Variants in RTN4RL1 observed in about 807,000 individuals in gnomAD.
The protein encoded by RTN4RL1 is reticulon-4 receptor-like 1.
Under a neutral mutation model 25.6 loss-of-function variants are expected in RTN4RL1, and 7 were observed. The ratio of observed to expected loss-of-function variants is 0.27; its 90% CI spans 0.16 to 0.51. RTN4RL1 has a LOEUF of 0.51. RTN4RL1 is among the 20% of genes least tolerant of loss of function. The probability of loss-of-function intolerance (pLI) is 0.97; values close to 1 mark genes in which losing one functional copy is unlikely to be tolerated. For synonymous variants in RTN4RL1, 297 were observed against 288.2 expected, an observed-to-expected ratio of 1.03 and a Z score of -0.31; for missense variants, 500 against 615.6, an observed-to-expected ratio of 0.81 and a Z score of 1.99.
intron 1 of RTN4RL1, among the ~76,000 whole-genome samples, chr17:1,963,511 C>T (rs1040958131): frequency 6.6e-6 from 1 of 152,242 alleles, no homozygotes; most frequent in African/African-American, 2.4e-5. Context: ...CTGCCCGCCA[C>T]CTTCAGGGGC....
Position 1,961,734 on chromosome 17 carries a change from C to G in RTN4RL1, c.14-23926G>C, listed in dbSNP as rs529336796. Among the ~76,000 whole-genome samples, 16 of 134,632 alleles carry G rather than the reference C, an allele frequency of 1.2e-4. No individual in the cohort carries two copies. In the East Asian group the frequency reaches 2.8e-3, roughly 24 times the overall value. The allele number at this position is 134,632 out of a possible 152,430, so 88.3% of individuals were successfully genotyped here. On this transcript the variant is annotated intron_variant, in intron 1 of 1. Transcript: ENST00000331238. ...CTTGAGGTCAGGAGTTCAAGACCAG[C>G]CTGGCCAACATGGTGAAACCCTGTC...
intron 1 of RTN4RL1, among the ~76,000 whole-genome samples, chr17:2,022,577 G>A (rs2067222761): frequency 6.6e-6 from 1 of 152,254 alleles, no homozygotes; most frequent in Non-Finnish European, 1.5e-5. Context: ...AATCCATACA[G>A]AGAATCTGAG....
At chr17:1,963,762 G>A (rs893596563) in intron 1 of RTN4RL1, among the ~76,000 whole-genome samples, 2 of 151,868 alleles carry the variant, frequency 1.3e-5, no homozygotes, top group Admixed American at 6.6e-5. Context: ...AGACAGTTTC[G>A]CTCTTGTTGC....
At chr17:1,946,973 G>GCCAA (rs1915567233) in intron 1 of RTN4RL1, among the ~76,000 whole-genome samples, 1 of 118,046 alleles carries the variant, frequency 8.5e-6, no homozygotes, top group African/African-American at 2.9e-5. Context: ...GCGTCTCTGT[G>GCCAA]TGAATGTGTG....
chr17:1,950,029 G>A lies in RTN4RL1; in HGVS notation c.14-12221C>T, dbSNP rs143040579. ...GTCAGAACAGCAGGAGCCAGGCCTC[G>A]TATGGCCTGAAACACCACCAGAAAG... On this transcript the variant is annotated intron_variant, in intron 1 of 1. Coordinates refer to ENST00000331238, the MANE Select transcript of RTN4RL1 (RefSeq NM_178568.4). 4.9e-3 allele frequency among the ~76,000 whole-genome samples: 740 copies of A among 152,330 alleles called. 4 individuals are homozygous for A. Among genetic ancestry groups the A allele is most frequent in the African/African-American group, 0.017 (691 of 41,576 alleles).
intron 1 of RTN4RL1, among the ~76,000 whole-genome samples, chr17:1,940,089 C>T (rs1915410526): frequency 6.6e-6 from 1 of 152,216 alleles, no homozygotes; most frequent in African/African-American, 2.4e-5. Flanking sequence ...CACTGTCACC[C>T]CCTCGTTCCT....
At chr17:1,964,221 C>T (rs2066778823) in intron 1 of RTN4RL1, among the ~76,000 whole-genome samples, 1 of 152,194 alleles carries the variant, frequency 6.6e-6, no homozygotes, top group Non-Finnish European at 1.5e-5. Flanking sequence ...AATAAAAATA[C>T]CTCATGAATA....
chr17:2,020,876 G>A (rs556486563), intron 1 of RTN4RL1, among the ~76,000 whole-genome samples: 46 of 152,324 alleles, frequency 3.0e-4, no homozygotes, highest in African/African-American at 9.1e-4. Flanking sequence ...CACGGGTCCC[G>A]ACCTTAAGTA....
chr17:1,938,135 A>G (rs190237799), intron 1 of RTN4RL1, among the ~76,000 whole-genome samples: 5 of 152,172 alleles, frequency 3.3e-5, no homozygotes, highest in South Asian at 2.1e-4. Context: ...GCTGGGGTGT[A>G]GGTCATGACC....
Position 1,999,056 on chromosome 17 carries a change from G to A in RTN4RL1, c.13+25797C>T, listed in dbSNP as rs2066943562. 3.3e-5 allele frequency among the ~76,000 whole-genome samples: 5 copies of A among 149,714 alleles called. 1 individual carries two copies. Among genetic ancestry groups the A allele is most frequent in the African/African-American group, 1.3e-4 (5 of 39,358 alleles). On this transcript the variant is annotated intron_variant, in intron 1 of 1. Transcript: ENST00000331238. The stretch of plus-strand genomic sequence containing the variant: ...TACAGCGATGTTCACTCGCCCCAGA[G>A]AGCTGCTCACGCCAGTCTACACCAG...
intron 1 of RTN4RL1, among the ~76,000 whole-genome samples, chr17:1,968,972 A>C (rs2066805547): frequency 6.6e-6 from 1 of 151,854 alleles, no homozygotes; most frequent in African/African-American, 2.4e-5. Context: ...CAGCCCAGGA[A>C]ACCAACCCAT....
At chr17:1,956,094 T>C (rs1475998280) in intron 1 of RTN4RL1, among the ~76,000 whole-genome samples, 1 of 152,194 alleles carries the variant, frequency 6.6e-6, no homozygotes, top group Admixed American at 6.5e-5. Context: ...TATGGAGTTC[T>C]GTATCCCGCA....
intron 1 of RTN4RL1, among the ~76,000 whole-genome samples, chr17:1,940,530 C>G (rs894662609): frequency 1.3e-5 from 2 of 152,178 alleles, no homozygotes; most frequent in Non-Finnish European, 2.9e-5. Context: ...CTGCCTGCCT[C>G]CATCTGCCCA....
intron 1 of RTN4RL1, among the ~76,000 whole-genome samples, chr17:1,999,139 T>TACACA (rs1230770315): frequency 1.2e-5 from 1 of 82,950 alleles, no homozygotes; most frequent in African/African-American, 7.0e-5. Flanking sequence ...TGTGTGCTCA[T>TACACA]CATACACACA....
At chr17:1,971,241 C>T (rs1269997341) in intron 1 of RTN4RL1, among the ~76,000 whole-genome samples, 2 of 152,164 alleles carry the variant, frequency 1.3e-5, no homozygotes, top group African/African-American at 4.8e-5. Flanking sequence ...TTGACAGTTC[C>T]TCCTTCACAT....
At chr17:1,949,526 C>A (rs1227631574) in intron 1 of RTN4RL1, among the ~76,000 whole-genome samples, 1 of 152,198 alleles carries the variant, frequency 6.6e-6, no homozygotes, top group Non-Finnish European at 1.5e-5. Flanking sequence ...TGTTCCCCAG[C>A]CCCGAAGACC....
At chr17:1,956,236 T>C (rs10438742) in intron 1 of RTN4RL1, among the ~76,000 whole-genome samples, 68,730 of 151,612 alleles carry the variant, frequency 0.45, 16,412 homozygotes, top group Middle Eastern at 0.56. Context: ...TGCAGGCGAA[T>C]AGGTAAACAG....
chr17:1,981,617 C>T (rs1358402432), intron 1 of RTN4RL1, among the ~76,000 whole-genome samples: 2 of 152,194 alleles, frequency 1.3e-5, no homozygotes, highest in African/African-American at 2.4e-5. Flanking sequence ...AGCAGCCTCA[C>T]ACGAGTCACT....
intron 1 of RTN4RL1, among the ~76,000 whole-genome samples, chr17:1,952,215 G>C (rs1597491694): frequency 6.6e-6 from 1 of 152,082 alleles, no homozygotes; most frequent in Non-Finnish European, 1.5e-5. Flanking sequence ...CCCCAGGGGA[G>C]TTTGGGGAAT....
Sources: allele counts gnomAD v4.1 joint callset (sites outside exome capture counted in the v4.1 genomes callset), GRCh38; gene constraint gnomAD v4.1.1; transcripts MANE v1.5; gene names NCBI Gene and HGNC (gene_info 2026-07-23, HGNC 2026-07-21).